Variants in LARGE2 observed in about 807,000 individuals in gnomAD.
LARGE2 encodes xylosyl- and glucuronyltransferase LARGE2.
LARGE2 carries 63 observed loss-of-function variants against 75.3 expected under a neutral mutation model. That is an observed-to-expected ratio of 0.84 (90% CI 0.68 to 1.03). LARGE2 has a LOEUF of 1.03. LARGE2 is among the 50% of genes least tolerant of loss of function. The pLI is 0.00. For synonymous variants in LARGE2, 428 were observed against 420.1 expected, an observed-to-expected ratio of 1.02 and a Z score of -0.23; for missense variants, 925 against 980.6, an observed-to-expected ratio of 0.94 and a Z score of 0.76.
chr11:45,924,057 G>A (rs1044151051), intron 3 of LARGE2, 97 bp from the exon 4 acceptor site: 136 of 1,185,954 alleles, frequency 1.1e-4, no homozygotes, highest in Non-Finnish European at 1.5e-4. Context: ...AAAGCTCTTT[G>A]CAGATGGCGC....
In LARGE2 at chr11:45,924,608, G is replaced by A. The variant is rs1476063588; in HGVS notation, c.595G>A (p.Val199Ile). 4 of 1,614,030 alleles carry A rather than the reference G, an allele frequency of 2.5e-6. No homozygotes were observed. Among genetic ancestry groups the A allele is most frequent in the African/African-American group, 1.3e-5 (1 of 74,944 alleles). The change falls in exon 5 of 14, where the codon GTC becomes ATC. Residue 199 changes from valine to isoleucine, a missense_variant. By Grantham distance (29) the Val-to-Ile change is conservative (BLOSUM62 3). Around this residue, in one of 3 missense-constraint regions of LARGE2, gnomAD observed 453 missense variants for 460.2 expected, o/e 0.98. Transcript: ENST00000401752. ...GCCTGCTGAGCTGGCCCGCGTCATT[G>A]TCCTGGACACGGATGTCACCTTCGC... Reference protein sequence around the residue: ...ALPAELARVIVLDTDVTFASD... With the variant: ...ALPAELARVIILDTDVTFASD...
chr11:45,923,569 T>C lies in LARGE2; in HGVS notation c.368+14T>C, dbSNP rs552840394. 2.7e-5 allele frequency: 43 copies of C among 1,612,162 alleles called. No homozygotes were observed. Among genetic ancestry groups the C allele is most frequent in the Non-Finnish European group, 3.6e-5 (43 of 1,178,690 alleles). The stretch of plus-strand genomic sequence containing the variant: ...GCTCTTCTACAGGTACAGCCAGGTG[T>C]CCGTGGAGGAGGGTCAGGAGTGGGG... On this transcript the variant is annotated intron_variant, in intron 3 of 13. Coordinates refer to ENST00000401752, the MANE Select transcript of LARGE2 (RefSeq NM_001300721.2).
In LARGE2 at chr11:45,926,389, A is replaced by G. The variant is rs115516922; in HGVS notation, c.1008+42A>G. On this transcript the variant is annotated intron_variant, in intron 8 of 13. Coordinates refer to ENST00000401752, the MANE Select transcript of LARGE2 (RefSeq NM_001300721.2). ...GCTGTGTGGTGGTGGGGGGCCATGG[A>G]TGGAGACTTCTGCTCCCTGCTCCCA... 2,161 of 1,613,662 alleles carry G rather than the reference A, an allele frequency of 1.3e-3. 24 individuals carry two copies. In the African/African-American group the frequency reaches 0.025, roughly 19 times the overall value.
At position 45,926,807 on chromosome 11, in the gene LARGE2, C is replaced by A. The variant is rs150922857; in HGVS notation, c.1261C>A (p.Pro421Thr). The A allele has an allele frequency of 2.6e-4, 425 of 1,613,520 alleles. No individual in the cohort carries two copies. The highest frequency in any genetic ancestry group is 3.3e-4 in the Non-Finnish European group (395 of 1,180,000). ...TVHRVHVTFL[P>T]HEPPPPRPHD... ...GCACCGTGTGCATGTCACTTTCCTG[C>A]CCCATGAACCGCCACCCCCCCGGCC... The change falls in exon 10 of 14, where the codon CCC (proline) becomes ACC (threonine). Residue 421 changes from proline to threonine, a missense_variant. Coordinates refer to ENST00000401752, the MANE Select transcript of LARGE2 (RefSeq NM_001300721.2).
intron 3 of LARGE2, 72 bp downstream of exon 3, chr11:45,923,627 C>T (rs1311248399): frequency 1.5e-6 from 2 of 1,329,460 alleles, no homozygotes; most frequent in South Asian, 2.4e-5. Flanking sequence ...CTGCTGGTCT[C>T]AGAGCTTCAG....
Position 45,928,923 on chromosome 11 carries a change from A to AAATT in LARGE2, c.*80_*83dup. The AAATT allele has an allele frequency of 6.4e-7, 1 of 1,554,540 alleles. No homozygotes were observed. Among genetic ancestry groups the AAATT allele is most frequent in the African/African-American group, 1.4e-5 (1 of 73,054 alleles). On this transcript the variant is annotated 3_prime_UTR_variant, in exon 14 of 14. Coordinates refer to ENST00000401752, the MANE Select transcript of LARGE2 (RefSeq NM_001300721.2). ...CTGCCCTCCGCCATCCCTGCTATTT[A>AAATT]AATTATTTAAGGTCTCTGGGAAGGG...
In LARGE2 at chr11:45,926,875, A is replaced by G. The variant is rs2087177365; in HGVS notation, c.1325+4A>G. On this transcript the variant is annotated splice_donor_region_variant and intron_variant, in intron 10 of 13. Transcript: ENST00000401752. The stretch of plus-strand genomic sequence containing the variant: ...TGGCCCAGCTGTCCATGGACCGGTG[A>G]GGGTGCAGAGGGCAGCCCAGGGGGT... 1 of 1,606,422 alleles carries G rather than the reference A, an allele frequency of 6.2e-7. No individual in the cohort carries two copies. The highest frequency in any genetic ancestry group is 1.1e-5 in the South Asian group (1 of 90,520).
Position 45,922,822 on chromosome 11 carries a change from G to A in LARGE2, c.-61G>A, listed in dbSNP as rs1590803405. On this transcript the variant is annotated splice_region_variant and 5_prime_UTR_variant, in exon 2 of 14. Coordinates refer to ENST00000401752, the MANE Select transcript of LARGE2 (RefSeq NM_001300721.2). ...CCCATCTCGCCCCTCGGTCCGCAGG[G>A]CCTGCGATGGAGCCTGCAGCCCCGG... is the stretch of plus-strand genomic sequence containing the variant. 8.3e-7 allele frequency: 1 copy of A among 1,206,736 alleles called. No homozygotes were observed. The highest frequency in any genetic ancestry group is 4.0e-5 in the South Asian group (1 of 25,038). 74.8% of individuals were successfully genotyped at this position (1,206,736 alleles called of 1,614,324 possible).
chr11:45,923,081 G>C lies in LARGE2; in HGVS notation c.199G>C (p.Ala67Pro). The C allele has an allele frequency of 7.1e-7, 1 of 1,411,696 alleles. No individual in the cohort carries two copies. 87.4% of individuals were successfully genotyped at this position (1,411,696 alleles called of 1,614,324 possible). A position where few individuals can be genotyped will look rare whatever the true frequency, so the allele number is the denominator to read the frequency against. Residue 67 changes from alanine to proline, a missense_variant, in exon 2 of 14, where the codon GCC becomes CCC. Transcript: ENST00000401752. ...AGACGGGAGGCTGCGGAGAGCCGCC[G>C]CCCTCGACGGAGACCCGGGGGCCGG... Reference protein sequence around the residue: ...PPDGRLRRAAALDGDPGAGPG... With the variant: ...PPDGRLRRAAPLDGDPGAGPG...
At chr11:45,925,607 G>A (rs1565092348) in intron 6 of LARGE2, among the ~76,000 whole-genome samples, 1 of 152,134 alleles carries the variant, frequency 6.6e-6, no homozygotes, top group Non-Finnish European at 1.5e-5. Context: ...AGTGAGCCGA[G>A]TTCACACCAC....
At chr11:45,922,780 C>A in intron 1 of LARGE2, 41 bp from the exon 2 acceptor site, 2 of 990,272 alleles carry the variant, frequency 2.0e-6, no homozygotes, top group Non-Finnish European at 2.6e-6. Context: ...CGGGCCCCGC[C>A]GCCCAGGGCT....
chr11:45,929,024 C>G lies in LARGE2; in HGVS notation c.*179C>G. ...GGCTGGGGACTGGTCTCTCTCTGCC[C>G]CAGCCAGTTTGGGGCTGGTTCCCCC... On this transcript the variant is annotated 3_prime_UTR_variant, in exon 14 of 14. Coordinates refer to ENST00000401752, the MANE Select transcript of LARGE2 (RefSeq NM_001300721.2). The G allele has an allele frequency of 1.3e-6, 1 of 772,198 alleles. No individual in the cohort carries two copies. Among genetic ancestry groups the G allele is most frequent in the Non-Finnish European group, 2.0e-6 (1 of 492,944 alleles). The allele number at this position is 772,198 out of a possible 1,614,324, so 47.8% of individuals were successfully genotyped here.
At chr11:45,923,361 G>GC in intron 2 of LARGE2, 112 bp from the exon 3 acceptor site, 1 of 1,173,914 alleles carries the variant, frequency 8.5e-7, no homozygotes, top group Non-Finnish European at 1.2e-6. Context: ...GGCTCCTGCT[G>GC]CCCCCTCCGC....
intron 3 of LARGE2, 34 bp downstream of exon 3, chr11:45,923,589 G>A (rs368766367): frequency 1.7e-4 from 265 of 1,588,082 alleles, no homozygotes; most frequent in East Asian, 2.2e-4. Context: ...AGGGTCAGGA[G>A]TGGGGAAGGG....
At position 45,924,186 on chromosome 11, in the gene LARGE2, A is replaced by T. The variant is rs780274282; in HGVS notation, c.401A>T (p.Asp134Val). 3.1e-6 allele frequency: 5 copies of T among 1,612,218 alleles called. No homozygotes were observed. In the African/African-American group the frequency reaches 6.7e-5, roughly 22 times the overall value. ...KNPLHLHLVT[D>V]AVARNILETL... ...CCACTGCACCTCCACTTGGTGACTG[A>T]CGCCGTGGCCAGAAACATCCTGGAG... is the stretch of plus-strand genomic sequence containing the variant. Residue 134 changes from aspartate to valine, a missense_variant, in exon 4 of 14, where the codon GAC becomes GTC. By Grantham distance (152) the Asp-to-Val change is radical. Around this residue, in one of 3 missense-constraint regions of LARGE2, gnomAD observed 453 missense variants for 460.2 expected, o/e 0.98. Coordinates refer to ENST00000401752, the MANE Select transcript of LARGE2 (RefSeq NM_001300721.2).
Position 45,923,029 on chromosome 11 carries a change from C to CG in LARGE2, c.149dup (p.Leu52AlafsTer56). ...GAGCGGGGGCCCCGGGATGCTTCCC[C>CG]GGCCCGCTCATGCCACGTGTCCCCC... On this transcript the variant is annotated frameshift_variant, in exon 2 of 14. Coordinates refer to ENST00000401752, the MANE Select transcript of LARGE2 (RefSeq NM_001300721.2). LOFTEE classifies it high-confidence loss of function. The CG allele has an allele frequency of 1.4e-6, 2 of 1,396,592 alleles. No homozygotes were observed. The highest frequency in any genetic ancestry group is 1.9e-6 in the Non-Finnish European group (2 of 1,078,174). 86.5% of individuals were successfully genotyped at this position (1,396,592 alleles called of 1,614,324 possible).
At chr11:45,922,204 G>A (rs1237803816), upstream of LARGE2, among the ~76,000 whole-genome samples, 1 of 152,104 alleles carries the variant, frequency 6.6e-6, no homozygotes, top group Non-Finnish European at 1.5e-5. Context: ...AAGGCTTCAG[G>A]TGCTCCGCGG....
At position 45,926,483 on chromosome 11, in the gene LARGE2, C is replaced by G. The variant is rs371983513; in HGVS notation, c.1050C>G (p.Asn350Lys). ...WNSPKKLRVK[N>K]KHVEFFRNFY... ...CACCAAAGAAGCTTCGGGTGAAGAA[C>G]AAGCATGTGGAATTCTTCCGCAATT... Residue 350 changes from asparagine (N) to lysine (K), a missense_variant, in exon 9 of 14, where the codon AAC (asparagine) becomes AAG (lysine). Asn to Lys is a moderately conservative substitution (Grantham distance 94). This residue lies in a region of LARGE2 where 469 missense variants were observed against 503.8 expected (regional missense o/e 0.93). Transcript: ENST00000401752. 1 of 1,614,136 alleles carries G rather than the reference C, an allele frequency of 6.2e-7. No individual in the cohort carries two copies. The highest frequency in any genetic ancestry group is 8.5e-7 in the Non-Finnish European group (1 of 1,180,032).
chr11:45,923,533 G>A lies in LARGE2; in HGVS notation c.346G>A (p.Val116Met), dbSNP rs766173362. The A allele has an allele frequency of 1.2e-6, 2 of 1,613,966 alleles. No individual in the cohort carries two copies. The change falls in exon 3 of 14, where the codon GTG becomes ATG. Residue 116 changes from valine to methionine, a missense_variant. Coordinates refer to ENST00000401752, the MANE Select transcript of LARGE2 (RefSeq NM_001300721.2). The part of the protein sequence containing the change: ...HNSSRDVITL[V>M]KSMLFYRKNP... ...CTCCAGCCGAGACGTCATCACCCTG[G>A]TGAAGTCCATGCTCTTCTACAGGTA... is the stretch of plus-strand genomic sequence containing the variant.
Sources: allele counts gnomAD v4.1 joint callset (sites outside exome capture counted in the v4.1 genomes callset), GRCh38; gene constraint gnomAD v4.1.1; regional missense constraint gnomAD v4.1.1; transcripts MANE v1.5; gene names NCBI Gene and HGNC (gene_info 2026-07-23, HGNC 2026-07-21).